ARHGAP21: variants seen among roughly 807,000 people sequenced by gnomAD.
ARHGAP21 encodes Rho GTPase activating protein 21.
ARHGAP21 carries 38 observed loss-of-function variants against 164.6 expected under a neutral mutation model. The observed-to-expected ratio is 0.23, with a 90% CI of 0.18 to 0.30. The LOEUF (loss-of-function observed/expected upper bound fraction) is 0.30. Ranked by LOEUF, ARHGAP21 falls within the 10% of genes least tolerant of loss-of-function variation. ARHGAP21 has a pLI of 1.00. For synonymous variants in ARHGAP21, 766 were observed against 857.9 expected, an observed-to-expected ratio of 0.89 and a Z score of 1.87; for missense variants, 1,822 against 2,370.7, an observed-to-expected ratio of 0.77 and a Z score of 4.81.
chr10:24,681,311 AT>A, intron 2 of ARHGAP21, among the ~76,000 whole-genome samples: 1 of 152,356 alleles, frequency 6.6e-6, no homozygotes, highest in African/African-American at 2.4e-5. Context: ...TAAAAATGTT[AT>A]TTAGATAGAC....
At chr10:24,654,990 G>C (rs1838652056) in intron 4 of ARHGAP21, among the ~76,000 whole-genome samples, 1 of 152,154 alleles carries the variant, frequency 6.6e-6, no homozygotes, top group African/African-American at 2.4e-5. Context: ...TCTGATCTTT[G>C]ACAAACCTGA....
At chr10:24,618,951 T>G (rs1427516877) in intron 9 of ARHGAP21, among the ~76,000 whole-genome samples, 2 of 152,192 alleles carry the variant, frequency 1.3e-5, no homozygotes, top group Non-Finnish European at 2.9e-5. Context: ...TGCCGGCAAC[T>G]GTGGCACACG....
intron 2 of ARHGAP21, among the ~76,000 whole-genome samples, chr10:24,706,121 A>G (rs892709876): frequency 1.8e-4 from 27 of 152,234 alleles, no homozygotes; most frequent in African/African-American, 5.5e-4. Flanking sequence ...AACTAGCTAA[A>G]AAGCAACTCA....
At chr10:24,694,624 A>G (rs1035856567) in intron 2 of ARHGAP21, among the ~76,000 whole-genome samples, 5 of 151,988 alleles carry the variant, frequency 3.3e-5, no homozygotes, top group Non-Finnish European at 7.4e-5. Flanking sequence ...CTGGCAGAAG[A>G]CTCTTAGAAG....
intron 2 of ARHGAP21, among the ~76,000 whole-genome samples, chr10:24,689,938 ATATGTATATGTG>A (rs1253666338): frequency 0.018 from 2,172 of 123,866 alleles, 100 homozygotes; most frequent in African/African-American, 0.067. Context: ...GTATATGTAT[ATATGTATATGTG>A]TGTGTGTGTG....
chr10:24,701,419 G>GA lies in ARHGAP21; in HGVS notation c.63+20417dup, dbSNP rs925186679. Among the ~76,000 whole-genome samples, 1,275 of 147,486 alleles carry GA rather than the reference G, an allele frequency of 8.6e-3. 16 individuals are homozygous for GA. Among genetic ancestry groups the GA allele is most frequent in the African/African-American group, 0.029 (1,179 of 40,368 alleles). On this transcript the variant is annotated intron_variant, in intron 2 of 25. Transcript: ENST00000396432. ...AATCATTTTACAACCTTCTTTCAAA[G>GA]AAAAAAAAAAGTGCCTTCTTTAATG...
chr10:24,593,772 C>T (rs2076446654), intron 21 of ARHGAP21, among the ~76,000 whole-genome samples: 1 of 152,044 alleles, frequency 6.6e-6, no homozygotes, highest in African/African-American at 2.4e-5. Context: ...TCAGAAAATA[C>T]TGAAATTAAT....
chr10:24,630,899 T>A (rs1378333970), intron 6 of ARHGAP21, among the ~76,000 whole-genome samples: 1 of 152,228 alleles, frequency 6.6e-6, no homozygotes, highest in African/African-American at 2.4e-5. Flanking sequence ...TTAATAACTA[T>A]ATAACATTTC....
intron 4 of ARHGAP21, chr10:24,648,728 G>T: frequency 1.2e-6 from 1 of 859,222 alleles, no homozygotes; most frequent in Non-Finnish European, 1.4e-6. Context: ...GCAGTGAGCC[G>T]AGATGGTGCC....
Position 24,602,109 on chromosome 10 carries a change from G to C in ARHGAP21, c.2722-6C>G. On this transcript the variant is annotated splice_region_variant and splice_polypyrimidine_tract_variant and intron_variant, in intron 12 of 25. Coordinates refer to ENST00000396432, the MANE Select transcript of ARHGAP21 (RefSeq NM_020824.4). ...GACTTTTGGCTGTCTGCGATCTATA[G>C]AAAAGACCAAGAAAACAGTAAAATG... The C allele has an allele frequency of 2.5e-6, 4 of 1,611,000 alleles. 1 individual carries two copies. Among genetic ancestry groups the C allele is most frequent in the South Asian group, 2.2e-5 (2 of 90,244 alleles).
At chr10:24,629,695 T>C (rs972443659) in intron 7 of ARHGAP21, 1 of 345,016 alleles carries the variant, frequency 2.9e-6, no homozygotes, top group Non-Finnish European at 5.7e-6. Context: ...AAACTCTTCC[T>C]TTGGTCCAAG....
intron 4 of ARHGAP21, among the ~76,000 whole-genome samples, chr10:24,645,923 T>C (rs1159110032): frequency 2.6e-5 from 4 of 152,134 alleles, no homozygotes; most frequent in African/African-American, 9.7e-5. Flanking sequence ...TTTTCTGAAG[T>C]GGTCAGGGAA....
chr10:24,655,552 G>A (rs1257087835), intron 4 of ARHGAP21, among the ~76,000 whole-genome samples: 12 of 152,050 alleles, frequency 7.9e-5, no homozygotes, highest in African/African-American at 2.2e-4. Context: ...GAGCGGACGG[G>A]CCCCGCGGGG....
At chr10:24,720,926 C>G (rs576690896) in intron 2 of ARHGAP21, among the ~76,000 whole-genome samples, 1 of 151,528 alleles carries the variant, frequency 6.6e-6, no homozygotes, top group South Asian at 2.1e-4. Flanking sequence ...TTACAGGAAC[C>G]GCCAATGATA....
intron 2 of ARHGAP21, among the ~76,000 whole-genome samples, chr10:24,676,470 T>A (rs1841258243): frequency 6.6e-6 from 1 of 152,068 alleles, no homozygotes. Context: ...CGCTTATAAG[T>A]GGGAGTTAAA....
chr10:24,650,510 G>C (rs1295607036), intron 4 of ARHGAP21, among the ~76,000 whole-genome samples: 2 of 152,154 alleles, frequency 1.3e-5, no homozygotes, highest in Non-Finnish European at 2.9e-5. Context: ...ACCACTGAAA[G>C]AAGGGTAATA....
At position 24,723,690 on chromosome 10, in the gene ARHGAP21, CGCCGCCGCCGCGCTCCGAG is replaced by C. The variant is rs1316738879; in HGVS notation, c.-528_-510del. On this transcript the variant is annotated 5_prime_UTR_variant, in exon 1 of 26. Transcript: ENST00000396432. ...CCGCGCTGCCCGCCGCCGCCGCCGCCGCCGCCGCCGCGCTCCGAGGCCGCCGCCCCCGGCCGGCCGCTCC... is the reference window on the plus strand; with the variant it reads ...CCGCGCTGCCCGCCGCCGCCGCCGCCGCCGCCGCCCCCGGCCGGCCGCTCC... The C allele has an allele frequency of 6.7e-6, 1 of 149,172 alleles. No individual in the cohort carries two copies. Among genetic ancestry groups the C allele is most frequent in the Non-Finnish European group, 1.5e-5 (1 of 67,936 alleles). 9.2% of individuals were successfully genotyped at this position (149,172 alleles called of 1,614,324 possible).
At chr10:24,693,775 C>G (rs1842932408) in intron 2 of ARHGAP21, among the ~76,000 whole-genome samples, 1 of 152,176 alleles carries the variant, frequency 6.6e-6, no homozygotes. Context: ...CAAGCTCTGT[C>G]TCATCTTAGG....
At chr10:24,628,440 C>T (rs1164132566) in intron 7 of ARHGAP21, among the ~76,000 whole-genome samples, 1 of 151,506 alleles carries the variant, frequency 6.6e-6, no homozygotes, top group Admixed American at 6.6e-5. Context: ...TTTTATAAAA[C>T]ATGTTTACAG....
Sources: allele counts gnomAD v4.1 joint callset (sites outside exome capture counted in the v4.1 genomes callset), GRCh38; gene constraint gnomAD v4.1.1; transcripts MANE v1.5; gene names NCBI Gene and HGNC (gene_info 2026-07-23, HGNC 2026-07-21).